Variants in PITPNC1 observed in about 807,000 individuals in gnomAD.
The protein encoded by PITPNC1 is phosphatidylinositol transfer protein cytoplasmic 1, also known as cytoplasmic phosphatidylinositol transfer protein 1.
A neutral mutation model predicts 44.7 loss-of-function variants in PITPNC1; 18 were observed. The observed-to-expected ratio is 0.40, with a 90% confidence interval of 0.28 to 0.60. The LOEUF is 0.60. PITPNC1 is among the 20% of genes least tolerant of loss of function. PITPNC1 has a pLI of 0.39. For synonymous variants in PITPNC1, 141 were observed against 149.6 expected, an observed-to-expected ratio of 0.94 and a Z score of 0.42; for missense variants, 290 against 418.4, an observed-to-expected ratio of 0.69 and a Z score of 2.68.
At chr17:67,384,504 C>G (rs1438662391) in intron 1 of PITPNC1, among the ~76,000 whole-genome samples, 4 of 151,676 alleles carry the variant, frequency 2.6e-5, no homozygotes, top group Non-Finnish European at 5.9e-5. Flanking sequence ...CGGCTCACTG[C>G]AAGCTCCGCC....
At chr17:67,422,255 A>G (rs142808343) in intron 1 of PITPNC1, among the ~76,000 whole-genome samples, 1 of 152,336 alleles carries the variant, frequency 6.6e-6, no homozygotes, top group African/African-American at 2.4e-5. Flanking sequence ...GACATTGTCT[A>G]CTTACCATTG....
chr17:67,656,518 CATAG>C (rs2042270061), intron 6 of PITPNC1, among the ~76,000 whole-genome samples: 1 of 152,158 alleles, frequency 6.6e-6, no homozygotes, highest in East Asian at 1.9e-4. Flanking sequence ...AGATCACGTT[CATAG>C]ATAGATACTA....
chr17:67,416,203 CTTTT>C (rs71687631), intron 1 of PITPNC1, among the ~76,000 whole-genome samples: 2 of 67,622 alleles, frequency 3.0e-5, no homozygotes, highest in African/African-American at 6.4e-5. Flanking sequence ...ACATGTATTG[CTTTT>C]TTTTTTTTTT....
rs1351788714 is a variant in PITPNC1 at position 67,597,295 on chromosome 17, T to C, written c.366+19038T>C. 2.0e-5 allele frequency among the ~76,000 whole-genome samples: 3 copies of C among 152,186 alleles called. No individual in the cohort carries two copies. Among genetic ancestry groups the C allele is most frequent in the Non-Finnish European group, 4.4e-5 (3 of 68,034 alleles). ...CAGGCTGAGCATGGTGGCTCACGCC[T>C]GTAATCCCCGCACTTTGGGAGGCCA... On this transcript the variant is annotated intron_variant, in intron 5 of 8. Coordinates refer to ENST00000581322, the MANE Select transcript of PITPNC1 (RefSeq NM_012417.4). This position sits in a 1 kb window ranked among gnomAD's most constrained non-coding sequence, Gnocchi z 4.0.
At chr17:67,453,289 T>C (rs1327282589) in intron 1 of PITPNC1, among the ~76,000 whole-genome samples, 1 of 152,250 alleles carries the variant, frequency 6.6e-6, no homozygotes, top group African/African-American at 2.4e-5. Flanking sequence ...CTAAGTAGTA[T>C]TAAACTTGAG....
intron 5 of PITPNC1, among the ~76,000 whole-genome samples, chr17:67,581,990 G>A (rs146731290): frequency 0.035 from 5,382 of 152,008 alleles, 105 homozygotes; most frequent in South Asian, 0.055. Flanking sequence ...CAGAGATTGC[G>A]CCACTGCACT....
At chr17:67,599,012 ATATATATATATATATATATATAT>A (rs1568059226) in intron 5 of PITPNC1, among the ~76,000 whole-genome samples, 5 of 18,968 alleles carry the variant, frequency 2.6e-4, no homozygotes, top group East Asian at 2.6e-3. Context: ...ATATATATAT[ATATATATATATATATATATATAT>A]TTTTTTTTTT....
intron 1 of PITPNC1, among the ~76,000 whole-genome samples, chr17:67,527,154 A>G (rs1303223066): frequency 6.6e-6 from 1 of 152,230 alleles, no homozygotes; most frequent in Non-Finnish European, 1.5e-5. Flanking sequence ...CTGCAATAGC[A>G]AAGGTCAGAG....
At chr17:67,556,097 A>G (rs1450018227) in intron 4 of PITPNC1, among the ~76,000 whole-genome samples, 1 of 152,204 alleles carries the variant, frequency 6.6e-6, no homozygotes, top group African/African-American at 2.4e-5. Flanking sequence ...ATAAGCTCTG[A>G]ACTGAGCTGC....
intron 1 of PITPNC1, among the ~76,000 whole-genome samples, chr17:67,411,428 G>A (rs980235888): frequency 7.9e-5 from 12 of 152,166 alleles, no homozygotes; most frequent in Non-Finnish European, 1.2e-4. Flanking sequence ...AAGTCTCCTA[G>A]AAGGTGGTTG....
intron 1 of PITPNC1, among the ~76,000 whole-genome samples, chr17:67,521,587 T>C (rs190031494): frequency 6.6e-6 from 1 of 152,182 alleles, no homozygotes; most frequent in Non-Finnish European, 1.5e-5. Flanking sequence ...TTATTATTTT[T>C]TAACCTTCCT....
chr17:67,617,271 C>T (rs970976816), intron 5 of PITPNC1, among the ~76,000 whole-genome samples: 1 of 152,160 alleles, frequency 6.6e-6, no homozygotes. Context: ...TTCGGGAGGC[C>T]GAGGTGGGTG....
In PITPNC1 at chr17:67,424,315, G is replaced by A. The variant is rs374389777; in HGVS notation, c.48+46113G>A. Among the ~76,000 whole-genome samples the A allele has an allele frequency of 1.2e-4, 19 of 152,044 alleles. No homozygotes were observed. The East Asian group carries it at 3.3e-3, about 26-fold the overall frequency. ...GTGATGTAGGCACTATGTCACCATC[G>A]TATTTAATCCAAACTATAACTATGC... On this transcript the variant is annotated intron_variant, in intron 1 of 8. Transcript: ENST00000581322.
Position 67,451,525 on chromosome 17 carries a change from C to A in PITPNC1, c.48+73323C>A, listed in dbSNP as rs928070118. Among the ~76,000 whole-genome samples, 4 of 152,260 alleles carry A rather than the reference C, an allele frequency of 2.6e-5. No individual in the cohort carries two copies. The East Asian group carries it at 7.7e-4, about 29-fold the overall frequency. On this transcript the variant is annotated intron_variant, in intron 1 of 8. Transcript: ENST00000581322. ...TGTTTGTGGTCAGTTCTTGCTCTTA[C>A]CCTGATCCCCGGCAACTAGTGATGT...
At chr17:67,519,164 G>A (rs1314951412) in intron 1 of PITPNC1, among the ~76,000 whole-genome samples, 1 of 143,006 alleles carries the variant, frequency 7.0e-6, no homozygotes, top group South Asian at 2.2e-4. Context: ...GTTCACAGCA[G>A]CATTCTGTTT....
chr17:67,428,457 T>G (rs190656378), intron 1 of PITPNC1, among the ~76,000 whole-genome samples: 28 of 151,980 alleles, frequency 1.8e-4, no homozygotes, highest in African/African-American at 6.8e-4. Context: ...GGAGGATTCC[T>G]TGAGCCCAGG....
chr17:67,490,482 G>T lies in PITPNC1; in HGVS notation c.49-42320G>T, dbSNP rs115665475. Among the ~76,000 whole-genome samples, 582 of 152,078 alleles carry T rather than the reference G, an allele frequency of 3.8e-3. 5 individuals carry two copies. The highest frequency in any genetic ancestry group is 0.014 in the African/African-American group (562 of 41,478). On this transcript the variant is annotated intron_variant, in intron 1 of 8. Transcript: ENST00000581322. ...GCTCTGACATACCACGACTCTGAAT[G>T]AACAGGTGGAATTGATGGGGAGTGA...
chr17:67,517,237 ATTGCTTTCTTATTGCTTATGGCTTTCTTG>A (rs1487310402), intron 1 of PITPNC1, among the ~76,000 whole-genome samples: 5 of 152,270 alleles, frequency 3.3e-5, no homozygotes, highest in Admixed American at 1.3e-4. Context: ...GAAGTCACTT[ATTGCTTTCTTATTGCTTATGGCTTTCTTG>A]TTGCTTTCTT....
rs2042965373 is a variant in PITPNC1, at chr17:67,693,592, GTGACCATA to G, written c.*705_*712del. 1 of 152,518 alleles carries G rather than the reference GTGACCATA, an allele frequency of 6.6e-6. No individual in the cohort carries two copies. The highest frequency in any genetic ancestry group is 6.5e-5 in the Admixed American group (1 of 15,272). The allele number at this position is 152,518 out of a possible 1,614,324, so 9.4% of individuals were successfully genotyped here. A position where few individuals can be genotyped will look rare whatever the true frequency, so the allele number is the denominator to read the frequency against. On this transcript the variant is annotated 3_prime_UTR_variant, in exon 9 of 9. Transcript: ENST00000581322. ...ATCCTTAAGAATTGCATGGATGAAT[GTGACCATA>G]ACTGATTTTGGAATGGTTCAGTTTA... is the stretch of plus-strand genomic sequence containing the variant.
Sources: gnomAD v4.1 joint callset for allele counts (sites outside exome capture counted in the v4.1 genomes callset) on GRCh38, gnomAD v4.1.1 for gene constraint, Gnocchi (gnomAD v3.1) non-coding constraint, MANE v1.5 for transcripts, NCBI Gene and HGNC (gene_info 2026-07-23, HGNC 2026-07-21) for gene names.